Variants in SCRIB observed in about 807,000 individuals in gnomAD.
SCRIB encodes the protein protein scribble homolog.
A neutral mutation model predicts 170.0 loss-of-function variants in SCRIB; 72 were observed. That is an observed-to-expected ratio of 0.42 (90% CI 0.35 to 0.52). SCRIB has a LOEUF of 0.52. Among genes scored for constraint, SCRIB ranks in the 20% least tolerant of loss-of-function variants. The pLI is 0.02. For missense variants in SCRIB, 2,475 were observed against 2,338.5 expected (o/e 1.06, Z -1.20); for synonymous variants, 1,298 against 1,044.3 (o/e 1.24, Z -4.68).
rs372664784 is a variant in SCRIB, at chr8:143,815,250, C to T, written c.123G>A (p.Leu41=). 26 of 1,594,776 alleles carry T rather than the reference C, an allele frequency of 1.6e-5. No individual in the cohort carries two copies. The African/African-American group carries it at 3.4e-4, about 21-fold the overall frequency. Residue 41 remains leucine, a synonymous_variant, in exon 1 of 37, where the codon CTG becomes CTA. Coordinates refer to ENST00000356994, the MANE Select transcript of SCRIB (RefSeq NM_182706.5). ...IYRYSRSLEE[L]LLDANQLREL... ...CGCGCAGCTGGTTGGCGTCGAGCAGCAGCTCCTCCAGGCTGCGGCTGTAGC... is the reference window on the plus strand; with the variant it reads ...CGCGCAGCTGGTTGGCGTCGAGCAGTAGCTCCTCCAGGCTGCGGCTGTAGC...
At chr8:143,813,773 T>C (rs201958135) in intron 3 of SCRIB, 45 bp downstream of exon 3, 33 of 1,611,362 alleles carry the variant, frequency 2.0e-5, no homozygotes, top group Non-Finnish European at 2.4e-5. Flanking sequence ...TCCAGGGCTG[T>C]GGGACCCATA....
Position 143,798,825 on chromosome 8 carries a change from G to A in SCRIB, c.3604-3295C>T, listed in dbSNP as rs181240596. On this transcript the variant is annotated intron_variant, in intron 24 of 36. Transcript: ENST00000356994. ...GAGCACGCCTGGCCCATGGTTATAG[G>A]AGCCCCACACCCAGCTCCCACCGAG... Among the ~76,000 whole-genome samples, 35 of 107,800 alleles carry A rather than the reference G, an allele frequency of 3.2e-4. No individual in the cohort carries two copies. The East Asian group carries it at 8.0e-3, about 25-fold the overall frequency. 70.7% of individuals were successfully genotyped at this position (107,800 alleles called of 152,430 possible).
rs148599700 is a variant in SCRIB at position 143,804,139 on chromosome 8, T to A, written c.3027A>T (p.Arg1009Ser). Residue 1009 changes from arginine (R) to serine (S), a missense_variant, in exon 22 of 37, where the codon AGA (arginine) becomes AGT (serine). Physicochemically the swap from Arg to Ser is moderately radical, Grantham distance 110 (BLOSUM62 -1). Transcript: ENST00000356994. Reference protein sequence around the residue: ...PYPVEEIRLPRAGGPLGLSIV... With the variant: ...PYPVEEIRLPSAGGPLGLSIV... ...TACTAAGCCCCAGAGGGCCCCCAGCTCTTGGCAGACGGATCTCCTGGGGAT... is the reference window on the plus strand; with the variant it reads ...TACTAAGCCCCAGAGGGCCCCCAGCACTTGGCAGACGGATCTCCTGGGGAT... 1.2e-6 allele frequency: 2 copies of A among 1,610,576 alleles called. No homozygotes were observed. The highest frequency in any genetic ancestry group is 1.7e-6 in the Non-Finnish European group (2 of 1,178,372).
chr8:143,803,311 G>T, intron 24 of SCRIB, 72 bp downstream of exon 24: 1 of 1,392,182 alleles, frequency 7.2e-7, no homozygotes, highest in South Asian at 1.4e-5. Flanking sequence ...CCTGCCCCGA[G>T]AGGTGTCAGC....
At position 143,791,023 on chromosome 8, in the gene SCRIB, G is replaced by T. The variant is rs1820054265; in HGVS notation, c.*140C>A. 1.2e-6 allele frequency: 1 copy of T among 840,128 alleles called. No homozygotes were observed. The highest frequency in any genetic ancestry group is 1.6e-6 in the Non-Finnish European group (1 of 615,718). 52.0% of individuals were successfully genotyped at this position (840,128 alleles called of 1,614,324 possible). On this transcript the variant is annotated 3_prime_UTR_variant, in exon 37 of 37. Coordinates refer to ENST00000356994, the MANE Select transcript of SCRIB (RefSeq NM_182706.5). ...GTCTCGCCGAGGTCTCGGCTGGGGT[G>T]GGGCAGTTAGTTAGTCACAGGCCAG...
At chr8:143,806,866 G>T in intron 17 of SCRIB, 58 bp downstream of exon 17, 1 of 1,209,928 alleles carries the variant, frequency 8.3e-7, no homozygotes, top group Non-Finnish European at 1.2e-6. Context: ...TGCCATCAGT[G>T]TGAACTGTGG....
At chr8:143,797,728 G>A (rs1027730735) in intron 24 of SCRIB, among the ~76,000 whole-genome samples, 1 of 152,232 alleles carries the variant, frequency 6.6e-6, no homozygotes, top group African/African-American at 2.4e-5. Context: ...CAGGGCCTAC[G>A]CCCAGCAGAA....
chr8:143,804,757 G>T lies in SCRIB; in HGVS notation c.2820C>A (p.Pro940=), dbSNP rs140519341. 1.2e-6 allele frequency: 2 copies of T among 1,604,250 alleles called. No homozygotes were observed. The highest frequency in any genetic ancestry group is 1.7e-6 in the Non-Finnish European group (2 of 1,176,804). Residue 940 remains proline (P), a synonymous_variant, in exon 21 of 37, where the codon CCC becomes CCA. Coordinates refer to ENST00000356994, the MANE Select transcript of SCRIB (RefSeq NM_182706.5). The stretch of plus-strand genomic sequence containing the variant: ...CCCGCTCCAACAGCAGGGCGATGGT[G>T]GGGGAGGCAGCGGTCAGCAGGGAGA... ...HAVSLLTAAS[P]TIALLLEREA...
intron 28 of SCRIB, chr8:143,793,331 C>T (rs1400471661): frequency 1.8e-5 from 7 of 397,162 alleles, no homozygotes; most frequent in Non-Finnish European, 4.5e-6. Context: ...TGGATCACCC[C>T]TGGTTTTGTC....
At position 143,804,997 on chromosome 8, in the gene SCRIB, G is replaced by A; in HGVS notation, c.2688C>T (p.Arg896=). ...RAGDAGIFVS[R]IAEGGAAHRA... Reference sequence around the variant, plus strand: ...GGTGAGCAGCACCGCCCTCGGCAATGCGGGAGACGAAGATGCCCTGCAGGG... The same window carrying A: ...GGTGAGCAGCACCGCCCTCGGCAATACGGGAGACGAAGATGCCCTGCAGGG... The change falls in exon 20 of 37, where the codon CGC becomes CGT. Residue 896 remains arginine (R), a synonymous_variant. Coordinates refer to ENST00000356994, the MANE Select transcript of SCRIB (RefSeq NM_182706.5). 1.3e-6 allele frequency: 2 copies of A among 1,586,516 alleles called. No individual in the cohort carries two copies. Among genetic ancestry groups the A allele is most frequent in the Non-Finnish European group, 8.5e-7 (1 of 1,170,010 alleles).
rs180959778 is a variant in SCRIB at position 143,813,753 on chromosome 8, G to A, written c.357-27C>T. 5.8e-5 allele frequency: 94 copies of A among 1,612,404 alleles called. No homozygotes were observed. The East Asian group carries it at 1.4e-3, about 23-fold the overall frequency. On this transcript the variant is annotated intron_variant, in intron 3 of 36. Transcript: ENST00000356994. ...TGGATGGGAGGAAGCAGAGGCCCTC[G>A]GATGACCAGTCCAGGGCTGTGGGAC...
chr8:143,812,447 G>T (rs1011896115), intron 8 of SCRIB, 63 bp from the exon 9 acceptor site: 2 of 1,254,994 alleles, frequency 1.6e-6, no homozygotes, highest in African/African-American at 1.5e-5. Flanking sequence ...TTACCCACCT[G>T]GCCAGAAGCG....
rs550797621 is a variant in SCRIB at position 143,793,793 on chromosome 8, C to T, written c.3909+107G>A. The T allele has an allele frequency of 5.5e-5, 62 of 1,127,828 alleles. No homozygotes were observed. In the African/African-American group the frequency reaches 6.3e-4, roughly 11 times the overall value. 69.9% of individuals were successfully genotyped at this position (1,127,828 alleles called of 1,614,324 possible). A position where few individuals can be genotyped will look rare whatever the true frequency, so the allele number is the denominator to read the frequency against. On this transcript the variant is annotated intron_variant, in intron 28 of 36. Transcript: ENST00000356994. Reference sequence around the variant, plus strand: ...GAAAACCGGAGTCAACAGCACCCCACGATGGCCCCTGACCCCCCATCCCTG... The same window carrying T: ...GAAAACCGGAGTCAACAGCACCCCATGATGGCCCCTGACCCCCCATCCCTG...
chr8:143,804,425 C>G (rs1815316413), intron 21 of SCRIB, 143 bp downstream of exon 21: 1 of 895,712 alleles, frequency 1.1e-6, no homozygotes, highest in Admixed American at 3.3e-5. Flanking sequence ...AGAGCCCCAG[C>G]CTCAAGGAGC....
At chr8:143,793,106 G>C in intron 28 of SCRIB, 23 bp from the exon 29 acceptor site, 1 of 1,347,682 alleles carries the variant, frequency 7.4e-7, no homozygotes, top group Non-Finnish European at 9.9e-7. Flanking sequence ...GCTCTTGTGA[G>C]CTATGCTGGG....
chr8:143,792,720 G>C lies in SCRIB; in HGVS notation c.4165C>G (p.Gln1389Glu), dbSNP rs1030883107. The change falls in exon 30 of 37, where the codon CAG becomes GAG. Residue 1389 changes from glutamine (Q) to glutamate (E), a missense_variant. Physicochemically the swap from Gln to Glu is conservative, Grantham distance 29 (BLOSUM62 2). Around this residue, in one of 3 missense-constraint regions of SCRIB, gnomAD observed 1,966 missense variants for 1,742.9 expected, o/e 1.13. Coordinates refer to ENST00000356994, the MANE Select transcript of SCRIB (RefSeq NM_182706.5). ...LVGADDLRKM[Q>E]EEEARKLQQK... ...CCGTGCCCCTCACCTTCCTCCTCCT[G>C]CATCTTCCGCAGGTCGTCAGCACCC... is the stretch of plus-strand genomic sequence containing the variant. The C allele has an allele frequency of 8.8e-6, 14 of 1,587,638 alleles. No individual in the cohort carries two copies. Among genetic ancestry groups the C allele is most frequent in the Non-Finnish European group, 1.1e-5 (13 of 1,172,054 alleles).
intron 20 of SCRIB, 26 bp downstream of exon 20, chr8:143,804,908 T>C (rs1238136408): frequency 1.2e-5 from 1 of 86,358 alleles, no homozygotes; most frequent in Non-Finnish European, 2.1e-5. Context: ...GATGGGTGGG[T>C]GGGGCGGGGC....
At chr8:143,811,825 C>T (rs1815739279) in intron 9 of SCRIB, among the ~76,000 whole-genome samples, 1 of 152,172 alleles carries the variant, frequency 6.6e-6, no homozygotes, top group Admixed American at 6.5e-5. Context: ...CTCCCCACAG[C>T]TAGCTCCTGT....
chr8:143,794,896 G>C (rs1164053031), intron 27 of SCRIB, 142 bp downstream of exon 27: 1 of 702,966 alleles, frequency 1.4e-6, no homozygotes, highest in African/African-American at 1.8e-5. Flanking sequence ...GGCTGGGGTA[G>C]CCTGCAGGTC....
Sources: gnomAD v4.1 joint callset for allele counts (sites outside exome capture counted in the v4.1 genomes callset) on GRCh38, gnomAD v4.1.1 for gene constraint, gnomAD v4.1.1 regional missense constraint, MANE v1.5 for transcripts, NCBI Gene and HGNC (gene_info 2026-07-23, HGNC 2026-07-21) for gene names.